Variants in ROR1 observed in about 807,000 individuals in gnomAD.
The protein encoded by ROR1 is inactive tyrosine-protein kinase transmembrane receptor ROR1.
ROR1 carries 19 observed loss-of-function variants against 78.8 expected under a neutral mutation model. The ratio of observed to expected loss-of-function variants is 0.24; its 90% CI spans 0.17 to 0.35. ROR1 has a LOEUF of 0.35. Among genes scored for constraint, ROR1 ranks in the 10% least tolerant of loss-of-function variants. The pLI, the probability that ROR1 is intolerant of heterozygous loss-of-function variation, is 1.00. For missense variants in ROR1, 917 were observed against 1,177.8 expected (o/e 0.78, Z 3.24); for synonymous variants, 386 against 433.6 (o/e 0.89, Z 1.36).
chr1:64,135,062 C>A (rs1649056828), intron 4 of ROR1, among the ~76,000 whole-genome samples: 1 of 152,076 alleles, frequency 6.6e-6, no homozygotes, highest in African/African-American at 2.4e-5. Flanking sequence ...CACTCCCCAG[C>A]AGATAACAGT....
chr1:64,084,184 A>G (rs1407248839), intron 4 of ROR1, among the ~76,000 whole-genome samples: 2 of 152,222 alleles, frequency 1.3e-5, no homozygotes, highest in South Asian at 2.1e-4. Context: ...ACTGTACTTT[A>G]TCATAACAAT....
chr1:64,131,475 C>A (rs968514134), intron 4 of ROR1, among the ~76,000 whole-genome samples: 4 of 152,110 alleles, frequency 2.6e-5, no homozygotes, highest in East Asian at 1.9e-4. Flanking sequence ...CGACCTCCCC[C>A]ACCTTGAGGC....
Position 64,137,443 on chromosome 1 carries a change from C to A in ROR1, c.557C>A (p.Thr186Asn). The A allele has an allele frequency of 1.2e-6, 2 of 1,613,884 alleles. No individual in the cohort carries two copies. Among genetic ancestry groups the A allele is most frequent in the Non-Finnish European group, 1.7e-6 (2 of 1,179,792 alleles). ...TGTGCAAGATTTATTGGCAACCGCACCGTCTATATGGAGTCTTTGCACATG... is the reference window on the plus strand; with the variant it reads ...TGTGCAAGATTTATTGGCAACCGCAACGTCTATATGGAGTCTTTGCACATG... The part of the protein sequence containing the change: ...IACARFIGNR[T>N]VYMESLHMQG... The change falls in exon 5 of 9, where the codon ACC (threonine) becomes AAC (asparagine). Residue 186 changes from threonine to asparagine, a missense_variant. Thr to Asn is a moderately conservative substitution (Grantham distance 65). Around this residue, in one of 3 missense-constraint regions of ROR1, gnomAD observed 835 missense variants for 1,069.8 expected, o/e 0.78. Transcript: ENST00000371079.
intron 1 of ROR1, among the ~76,000 whole-genome samples, chr1:63,973,134 C>G (rs999663755): frequency 6.6e-6 from 1 of 152,192 alleles, no homozygotes; most frequent in East Asian, 1.9e-4. Flanking sequence ...ACCTCTTTGC[C>G]CCTGCCCTCC....
At chr1:64,020,607 G>A (rs1025744469) in intron 2 of ROR1, among the ~76,000 whole-genome samples, 1 of 152,132 alleles carries the variant, frequency 6.6e-6, no homozygotes, top group Non-Finnish European at 1.5e-5. Context: ...ATCCATCCTA[G>A]GTAGGCCCAG....
At chr1:64,070,915 G>T (rs78363252) in intron 4 of ROR1, among the ~76,000 whole-genome samples, 13 of 152,296 alleles carry the variant, frequency 8.5e-5, no homozygotes, top group African/African-American at 3.1e-4. Flanking sequence ...TAACAGCTTG[G>T]TGAGTAAAGG....
chr1:64,067,439 C>T (rs749364052), intron 4 of ROR1, among the ~76,000 whole-genome samples: 166 of 111,976 alleles, frequency 1.5e-3, no homozygotes, highest in Non-Finnish European at 2.3e-3. Context: ...AGCGAGCCTC[C>T]GTCTCAAAAA....
At chr1:64,159,670 T>TC (rs1649882033) in intron 8 of ROR1, among the ~76,000 whole-genome samples, 1 of 134,796 alleles carries the variant, frequency 7.4e-6, no homozygotes, top group Non-Finnish European at 1.7e-5. Flanking sequence ...AATTTTGTTG[T>TC]GTTTTTTTAC....
chr1:63,974,987 A>G (rs1383111027), intron 1 of ROR1, among the ~76,000 whole-genome samples: 1 of 152,218 alleles, frequency 6.6e-6, no homozygotes, highest in Admixed American at 6.5e-5. Context: ...TTGCACTCAA[A>G]GACTTACAGG....
chr1:64,088,193 C>A (rs1021851119), intron 4 of ROR1, among the ~76,000 whole-genome samples: 2 of 152,182 alleles, frequency 1.3e-5, no homozygotes, highest in Admixed American at 1.3e-4. Context: ...GAGCATGAGA[C>A]AATCTATAGA....
At chr1:64,099,995 C>A (rs1275714460) in intron 4 of ROR1, among the ~76,000 whole-genome samples, 7 of 152,188 alleles carry the variant, frequency 4.6e-5, no homozygotes. Context: ...GTGGAGGTTG[C>A]AGTGAGCCAA....
intron 4 of ROR1, among the ~76,000 whole-genome samples, chr1:64,132,446 A>G (rs901021330): frequency 6.6e-6 from 1 of 152,084 alleles, no homozygotes; most frequent in African/African-American, 2.4e-5. Context: ...GTCCCTCTGC[A>G]TCCATTCTCT....
intron 1 of ROR1, among the ~76,000 whole-genome samples, chr1:63,919,488 C>CTT (rs10644304): frequency 0.059 from 7,249 of 122,058 alleles, 236 homozygotes; most frequent in Middle Eastern, 0.071. Context: ...ATTGAATTGG[C>CTT]TTTTTTTTTT....
In ROR1 at chr1:64,140,631, T is replaced by G. The variant is rs1285232610; in HGVS notation, c.928+205T>G. On this transcript the variant is annotated intron_variant, in intron 6 of 8. Coordinates refer to ENST00000371079, the MANE Select transcript of ROR1 (RefSeq NM_005012.4). ...TCATGAAGACAATAATTTTAAAATA[T>G]TGGAGCTGGTTTCTCAATAACTTAA... 2.0e-5 allele frequency among the ~76,000 whole-genome samples: 3 copies of G among 152,332 alleles called. 1 individual carries two copies. In the South Asian group the frequency reaches 6.2e-4, roughly 32 times the overall value.
At chr1:64,055,203 G>C (rs927685177) in intron 4 of ROR1, among the ~76,000 whole-genome samples, 1 of 152,178 alleles carries the variant, frequency 6.6e-6, no homozygotes, top group African/African-American at 2.4e-5. Flanking sequence ...CAAAACTCTT[G>C]CAAATGTTAT....
At chr1:64,102,855 C>T (rs1429307017) in intron 4 of ROR1, among the ~76,000 whole-genome samples, 1 of 152,158 alleles carries the variant, frequency 6.6e-6, no homozygotes, top group Non-Finnish European at 1.5e-5. Flanking sequence ...TTAGCAGCAT[C>T]CCTGGCCTCC....
intron 1 of ROR1, among the ~76,000 whole-genome samples, chr1:63,833,632 G>A (rs1256668262): frequency 6.6e-6 from 1 of 152,112 alleles, no homozygotes; most frequent in Non-Finnish European, 1.5e-5. Context: ...AGTCAAGCAC[G>A]GGTTTGGAGG....
At chr1:63,800,253 A>G (rs1463950988) in intron 1 of ROR1, among the ~76,000 whole-genome samples, 1 of 152,056 alleles carries the variant, frequency 6.6e-6, no homozygotes, top group East Asian at 1.9e-4. Flanking sequence ...GACAATGTCA[A>G]CCCCTTTAAG....
At chr1:63,837,856 C>T (rs967348176) in intron 1 of ROR1, among the ~76,000 whole-genome samples, 3 of 152,144 alleles carry the variant, frequency 2.0e-5, no homozygotes, top group Non-Finnish European at 4.4e-5. Flanking sequence ...TGTGTATGAG[C>T]TAAGTTACTC....
Sources: gnomAD v4.1 joint callset for allele counts (sites outside exome capture counted in the v4.1 genomes callset) on GRCh38, gnomAD v4.1.1 for gene constraint, gnomAD v4.1.1 regional missense constraint, MANE v1.5 for transcripts, NCBI Gene and HGNC (gene_info 2026-07-23, HGNC 2026-07-21) for gene names.